Variants in DHX32 observed in about 807,000 individuals in gnomAD.
The protein encoded by DHX32 is DEAH-box helicase 32 (putative).
In DHX32, 51 loss-of-function variants were observed where a neutral mutation model predicts 70.0. That is an observed-to-expected ratio of 0.73 (90% CI 0.58 to 0.92). DHX32 has a LOEUF of 0.92. Ranked by LOEUF, DHX32 falls within the 40% of genes least tolerant of loss-of-function variation. DHX32 has a pLI of 0.00. For missense variants in DHX32, 762 were observed against 891.8 expected (o/e 0.85, Z 1.85); for synonymous variants, 310 against 315.3 (o/e 0.98, Z 0.18).
chr10:125,842,050 C>T, intron 6 of DHX32, 116 bp from the exon 7 acceptor site: 2 of 1,292,304 alleles, frequency 1.5e-6, no homozygotes, highest in South Asian at 3.6e-5. Context: ...ATATGTGAAA[C>T]AACGGTTTGC....
rs1944182991 is a variant in DHX32 at position 125,860,849 on chromosome 10, G to A, written c.477-874C>T. Among the ~76,000 whole-genome samples the A allele has an allele frequency of 4.8e-5, 5 of 105,132 alleles. No individual in the cohort carries two copies. In the South Asian group the frequency reaches 1.3e-3, roughly 26 times the overall value. The allele number at this position is 105,132 out of a possible 152,430, so 69.0% of individuals were successfully genotyped here. On this transcript the variant is annotated intron_variant, in intron 2 of 10. Coordinates refer to ENST00000284690, the MANE Select transcript of DHX32 (RefSeq NM_018180.3). ...CGGCTCACTGCAAGCTCCGCCTCCC[G>A]GGTTCACGCCATTCTGCCTCAGCCT...
intron 6 of DHX32, among the ~76,000 whole-genome samples, chr10:125,845,489 T>C (rs151123217): frequency 7.4e-4 from 113 of 152,342 alleles, no homozygotes; most frequent in Non-Finnish European, 1.3e-3. Context: ...GAGAACATCA[T>C]GCCTTCTCTT....
Position 125,839,098 on chromosome 10 carries a change from A to G in DHX32, c.1784T>C (p.Ile595Thr). 2 of 1,614,200 alleles carry G rather than the reference A, an allele frequency of 1.2e-6. No homozygotes were observed. The highest frequency in any genetic ancestry group is 1.7e-6 in the Non-Finnish European group (2 of 1,180,038). ...DVIRAELLEI[I>T]KRIELPYAEP... is the part of the protein sequence containing the mutation. The stretch of plus-strand genomic sequence containing the variant: ...TGCATAGGGAAGCTCGATTCGCTTG[A>G]TAATTTCTAAGAGTTCAGCTCGAAT... The change falls in exon 9 of 11, where the codon ATC (isoleucine) becomes ACC (threonine). Residue 595 changes from isoleucine (I) to threonine (T), a missense_variant. Ile to Thr is a moderately conservative substitution (Grantham distance 89). Coordinates refer to ENST00000284690, the MANE Select transcript of DHX32 (RefSeq NM_018180.3).
Position 125,853,304 on chromosome 10 carries a change from A to G in DHX32, c.1092+657T>C, listed in dbSNP as rs573918226. ...GGAGGGATAAAACATCTCGGCACCT[A>G]GTAATGGTAAATTAGTCAATATTTG... On this transcript the variant is annotated intron_variant, in intron 4 of 10. Coordinates refer to ENST00000284690, the MANE Select transcript of DHX32 (RefSeq NM_018180.3). 6.3e-6 allele frequency: 6 copies of G among 949,920 alleles called. No individual in the cohort carries two copies. The East Asian group carries it at 1.4e-4, about 23-fold the overall frequency. 58.8% of individuals were successfully genotyped at this position (949,920 alleles called of 1,614,324 possible).
upstream of DHX32, among the ~76,000 whole-genome samples, chr10:125,882,143 G>A (rs574421954): frequency 6.6e-6 from 1 of 152,272 alleles, no homozygotes; most frequent in African/African-American, 2.4e-5. Flanking sequence ...GTCAGGTGAA[G>A]GGTCTTTCCC....
chr10:125,852,644 T>A lies in DHX32; in HGVS notation c.1093-2A>T. ...TGCTCTTATTCTCGGGTTGTACACC[T>A]TTAAATGGAAAGACAGCATCATTAG... On this transcript the variant is annotated splice_acceptor_variant, in intron 4 of 10. Transcript: ENST00000284690. LOFTEE classifies it high-confidence loss of function. The A allele has an allele frequency of 1.9e-6, 3 of 1,601,018 alleles. No individual in the cohort carries two copies. The highest frequency in any genetic ancestry group is 2.6e-6 in the Non-Finnish European group (3 of 1,175,464).
At chr10:125,844,725 C>T (rs775567974) in intron 6 of DHX32, among the ~76,000 whole-genome samples, 18 of 152,292 alleles carry the variant, frequency 1.2e-4, no homozygotes, top group Middle Eastern at 3.4e-3. Flanking sequence ...TAGTAAGTAA[C>T]GCTAACAAAT....
chr10:125,849,916 A>G (rs1944068448), intron 6 of DHX32, among the ~76,000 whole-genome samples: 1 of 152,018 alleles, frequency 6.6e-6, no homozygotes, highest in Non-Finnish European at 1.5e-5. Context: ...TTGGTTTAGG[A>G]ATCCTCTGGT....
rs142280689 is a variant in DHX32 at position 125,864,837 on chromosome 10, C to T, written c.476+2153G>A. Among the ~76,000 whole-genome samples the T allele has an allele frequency of 5.1e-3, 722 of 140,694 alleles. 37 individuals are homozygous for T. The East Asian group carries it at 0.1, about 20-fold the overall frequency. The allele number at this position is 140,694 out of a possible 152,430, so 92.3% of individuals were successfully genotyped here. On this transcript the variant is annotated intron_variant, in intron 2 of 10. Coordinates refer to ENST00000284690, the MANE Select transcript of DHX32 (RefSeq NM_018180.3). ...CCCAGCTACTTAGGAGGCTGAGGCA[C>T]GATAATCGCTTGAACCCGGAAGATG...
Position 125,880,565 on chromosome 10 carries a change from G to C in DHX32, c.260C>G (p.Ala87Gly), listed in dbSNP as rs1341632155. 1.9e-6 allele frequency: 3 copies of C among 1,609,062 alleles called. No individual in the cohort carries two copies. The highest frequency in any genetic ancestry group is 2.5e-6 in the Non-Finnish European group (3 of 1,176,528). Residue 87 changes from alanine (A) to glycine (G), a missense_variant, in exon 1 of 11, where the codon GCT becomes GGT. Coordinates refer to ENST00000284690, the MANE Select transcript of DHX32 (RefSeq NM_018180.3). ...QNQIVIVSGD[A>G]KCGKSAQVPQ... ...CACCTGAGCGCTCTTACCACATTTA[G>C]CATCTCCTGAAACAATCACGATTTG...
At chr10:125,887,809 C>T (rs1398583966) in intron 1 of DHX32, among the ~76,000 whole-genome samples, 1 of 151,984 alleles carries the variant, frequency 6.6e-6, no homozygotes, top group Non-Finnish European at 1.5e-5. Context: ...CTTTCTAACA[C>T]CCACCTTCAA....
At chr10:125,861,231 G>T (rs1273383302) in intron 2 of DHX32, among the ~76,000 whole-genome samples, 2 of 151,428 alleles carry the variant, frequency 1.3e-5, no homozygotes, top group Non-Finnish European at 2.9e-5. Flanking sequence ...AGAGTAGTTT[G>T]CCCCGCCTGT....
chr10:125,877,714 G>T (rs927365310), intron 1 of DHX32, among the ~76,000 whole-genome samples: 2 of 151,868 alleles, frequency 1.3e-5, no homozygotes, highest in African/African-American at 4.8e-5. Context: ...AATAAAATAG[G>T]TAAACTCTAG....
chr10:125,856,755 G>A (rs1000324600), intron 3 of DHX32, among the ~76,000 whole-genome samples: 13 of 152,166 alleles, frequency 8.5e-5, no homozygotes, highest in African/African-American at 2.9e-4. Flanking sequence ...AGACCAGCCT[G>A]GGCAACATAG....
rs531809485 is a variant in DHX32, at chr10:125,836,776, C to A, written c.2143G>T (p.Asp715Tyr). 2.3e-5 allele frequency: 37 copies of A among 1,614,084 alleles called. No individual in the cohort carries two copies. The African/African-American group carries it at 3.6e-4, about 16-fold the overall frequency. ...ATTGTTGACACAGGGGATAGGTGATCCACTACTTGCTGTAGAATGTCCTTA... is the reference window on the plus strand; with the variant it reads ...ATTGTTGACACAGGGGATAGGTGATACACTACTTGCTGTAGAATGTCCTTA... ...ESKDILQQVV[D>Y]HLSPVSTMNK... The change falls in exon 11 of 11, where the codon GAT (aspartate) becomes TAT (tyrosine). Residue 715 changes from aspartate (D) to tyrosine (Y), a missense_variant. Asp to Tyr is a radical substitution (Grantham distance 160). This residue lies in a region of DHX32 where 366 missense variants were observed against 402.6 expected (regional missense o/e 0.91). Transcript: ENST00000284690.
chr10:125,854,874 A>G (rs1444900852), intron 3 of DHX32: 1 of 152,254 alleles, frequency 6.6e-6, no homozygotes, highest in Non-Finnish European at 1.5e-5. Context: ...CGTTTTCTCC[A>G]TTCTTATAAT....
intron 1 of DHX32, among the ~76,000 whole-genome samples, chr10:125,876,877 A>G (rs966378916): frequency 2.0e-5 from 3 of 152,256 alleles, no homozygotes; most frequent in Admixed American, 1.3e-4. Context: ...TCTAGAAATC[A>G]GATAATAATT....
At chr10:125,856,596 C>T (rs878917469) in intron 3 of DHX32, among the ~76,000 whole-genome samples, 10 of 152,088 alleles carry the variant, frequency 6.6e-5, no homozygotes, top group African/African-American at 1.9e-4. Context: ...AATGCACTGC[C>T]GTTTCACCAA....
chr10:125,840,286 A>G (rs928422619), intron 8 of DHX32, among the ~76,000 whole-genome samples: 2 of 152,126 alleles, frequency 1.3e-5, no homozygotes, highest in African/African-American at 4.8e-5. Flanking sequence ...TCAGGCATAC[A>G]AAGGACTTTG....
Sources: allele counts gnomAD v4.1 joint callset (sites outside exome capture counted in the v4.1 genomes callset), GRCh38; gene constraint gnomAD v4.1.1; regional missense constraint gnomAD v4.1.1; transcripts MANE v1.5; gene names NCBI Gene and HGNC (gene_info 2026-07-23, HGNC 2026-07-21).